Variants in PKHD1 observed in about 807,000 individuals in gnomAD.
The protein encoded by PKHD1 is fibrocystin.
PKHD1 carries 291 observed loss-of-function variants against 412.0 expected under a neutral mutation model. The ratio of observed to expected loss-of-function variants is 0.71; its 90% CI spans 0.64 to 0.78. The LOEUF (loss-of-function observed/expected upper bound fraction) is 0.78. PKHD1 is among the 30% of genes least tolerant of loss of function. The pLI, the probability that PKHD1 is intolerant of heterozygous loss-of-function variation, is 0.00. For missense variants in PKHD1, 4,825 were observed against 4,950.7 expected, an observed-to-expected ratio of 0.97 and a Z score of 0.76; for synonymous variants, 1,777 against 1,821.5, an observed-to-expected ratio of 0.98 and a Z score of 0.62.
At chr6:52,061,680 C>T (rs1054639047) in intron 14 of PKHD1, among the ~76,000 whole-genome samples, 2 of 149,846 alleles carry the variant, frequency 1.3e-5, no homozygotes, top group African/African-American at 2.4e-5. Flanking sequence ...CGGTAAAAAC[C>T]GCAATTACTT....
At chr6:51,730,062 G>A (rs1783056605) in intron 60 of PKHD1, among the ~76,000 whole-genome samples, 1 of 151,898 alleles carries the variant, frequency 6.6e-6, no homozygotes, top group Non-Finnish European at 1.5e-5. Context: ...AATGTTTCTT[G>A]GAATTCTTTG....
At chr6:51,721,666 C>T in intron 60 of PKHD1, 1 of 1,215,272 alleles carries the variant, frequency 8.2e-7, no homozygotes, top group Non-Finnish European at 1.0e-6. Context: ...TCCCCCATAT[C>T]TGCTACTGGA....
chr6:51,899,796 C>G (rs147957175), intron 43 of PKHD1, among the ~76,000 whole-genome samples: 8,835 of 152,086 alleles, frequency 0.058, 527 homozygotes, highest in African/African-American at 0.15. Context: ...ATCTCCATAA[C>G]CTGATAAGCA....
At chr6:51,781,298 T>G (rs1248651359) in intron 53 of PKHD1, among the ~76,000 whole-genome samples, 1 of 151,980 alleles carries the variant, frequency 6.6e-6, no homozygotes, top group Admixed American at 6.6e-5. Context: ...AAATGTAGGG[T>G]AGAATGGGGC....
intron 37 of PKHD1, among the ~76,000 whole-genome samples, chr6:51,925,335 T>A (rs1251997699): frequency 6.6e-6 from 1 of 152,032 alleles, no homozygotes. Context: ...CGATACAGAG[T>A]CAGTTATGAG....
chr6:52,000,701 T>C (rs1798263039), intron 35 of PKHD1, among the ~76,000 whole-genome samples: 1 of 152,202 alleles, frequency 6.6e-6, no homozygotes, highest in Non-Finnish European at 1.5e-5. Flanking sequence ...TGCAAACTCC[T>C]ATATGGTGAT....
intron 52 of PKHD1, among the ~76,000 whole-genome samples, chr6:51,804,921 A>G (rs554399548): frequency 1.3e-5 from 2 of 151,646 alleles, no homozygotes; most frequent in East Asian, 1.9e-4. Context: ...ATGCTTATAC[A>G]CTGTTGGTGG....
intron 37 of PKHD1, among the ~76,000 whole-genome samples, chr6:51,933,027 T>G (rs1346028991): frequency 6.6e-6 from 1 of 152,224 alleles, no homozygotes; most frequent in African/African-American, 2.4e-5. Flanking sequence ...AATATCATTG[T>G]GTAACTGACA....
intron 43 of PKHD1, among the ~76,000 whole-genome samples, chr6:51,898,105 C>G (rs1238163681): frequency 8.4e-4 from 128 of 151,498 alleles, no homozygotes; most frequent in Non-Finnish European, 1.5e-3. Flanking sequence ...GACAGATCAA[C>G]GAGACAGAAA....
At chr6:51,796,474 G>C (rs767330480) in intron 52 of PKHD1, among the ~76,000 whole-genome samples, 1 of 149,368 alleles carries the variant, frequency 6.7e-6, no homozygotes, top group Non-Finnish European at 1.5e-5. Context: ...ATTTTTTGAA[G>C]GCTTTTCATG....
intron 60 of PKHD1, among the ~76,000 whole-genome samples, chr6:51,666,183 A>G (rs1300641094): frequency 6.6e-6 from 1 of 152,192 alleles, no homozygotes; most frequent in East Asian, 1.9e-4. Flanking sequence ...AAGTAGGTAC[A>G]AAGATATCAA....
Position 51,847,971 on chromosome 6 carries a change from C to G in PKHD1, c.7912-1G>C, listed in dbSNP as rs1160209891. ...CAAAGTTGTCAAAGGTTGCTGAGTA[C>G]TTGAAGTGAAAGAAAAACACAATAG... On this transcript the variant is annotated splice_acceptor_variant, in intron 49 of 66. Transcript: ENST00000371117. LOFTEE classifies it high-confidence loss of function. The G allele has an allele frequency of 1.9e-6, 3 of 1,610,896 alleles. No homozygotes were observed. Among genetic ancestry groups the G allele is most frequent in the Non-Finnish European group, 2.5e-6 (3 of 1,177,180 alleles).
chr6:51,911,720 C>CA, intron 39 of PKHD1, 79 bp downstream of exon 39: 1 of 1,261,328 alleles, frequency 7.9e-7, no homozygotes, highest in Non-Finnish European at 1.2e-6. Context: ...AGAGGTCAAC[C>CA]ACAGCAATGC....
chr6:51,803,253 T>C (rs567816084), intron 52 of PKHD1, among the ~76,000 whole-genome samples: 8 of 151,600 alleles, frequency 5.3e-5, no homozygotes, highest in African/African-American at 2.0e-4. Flanking sequence ...TTAACTCCCT[T>C]AAAAGTCTTC....
chr6:51,795,311 C>T (rs1371019327), intron 52 of PKHD1, among the ~76,000 whole-genome samples: 4 of 152,060 alleles, frequency 2.6e-5, no homozygotes, highest in African/African-American at 4.8e-5. Flanking sequence ...AGTTCATTTG[C>T]GAGTTGGCTC....
At chr6:51,890,782 G>T (rs903906376) in intron 43 of PKHD1, among the ~76,000 whole-genome samples, 1 of 152,204 alleles carries the variant, frequency 6.6e-6, no homozygotes, top group Non-Finnish European at 1.5e-5. Flanking sequence ...AGAGTAGGAA[G>T]AAGACATGAC....
chr6:51,948,927 A>AT (rs1789886235), intron 36 of PKHD1, among the ~76,000 whole-genome samples: 1 of 152,162 alleles, frequency 6.6e-6, no homozygotes, highest in South Asian at 2.1e-4. Context: ...CCTTAATGCC[A>AT]TTTTTAGGAA....
intron 36 of PKHD1, among the ~76,000 whole-genome samples, chr6:51,944,806 C>T (rs1231936025): frequency 6.6e-6 from 1 of 152,190 alleles, no homozygotes; most frequent in Non-Finnish European, 1.5e-5. Flanking sequence ...AGGAAGAACC[C>T]ACCGGGTGAT....
rs146531432 is a variant in PKHD1, at chr6:52,024,617, C to A, written c.5193G>T (p.Val1731=). The A allele has an allele frequency of 1.2e-6, 2 of 1,614,166 alleles. No homozygotes were observed. Among genetic ancestry groups the A allele is most frequent in the East Asian group, 4.5e-5 (2 of 44,884 alleles). The change falls in exon 32 of 67, where the codon GTG becomes GTT. Residue 1731 remains valine, a synonymous_variant. Transcript: ENST00000371117. ...CIRGWASSAL[V]FTSRVIITAV... is the part of the protein sequence containing the mutation. Reference sequence around the variant, plus strand: ...CTGTAATAATAACTCTTGAGGTGAACACCAGGGCAGATGAGGCCCACCCTC... The same window carrying A: ...CTGTAATAATAACTCTTGAGGTGAAAACCAGGGCAGATGAGGCCCACCCTC...
Sources: allele counts gnomAD v4.1 joint callset (sites outside exome capture counted in the v4.1 genomes callset), GRCh38; gene constraint gnomAD v4.1.1; transcripts MANE v1.5; gene names NCBI Gene and HGNC (gene_info 2026-07-23, HGNC 2026-07-21).